The following KSR1 variants were observed in gnomAD, a reference collection of about 807,000 sequenced individuals.
KSR1 encodes the protein kinase suppressor of ras 1, also known as kinase suppressor of ras.
A neutral mutation model predicts 92.9 loss-of-function variants in KSR1; 35 were observed. That is an observed-to-expected ratio of 0.38 (90% CI 0.29 to 0.50). The LOEUF is 0.50. Among genes scored for constraint, KSR1 ranks in the 20% least tolerant of loss-of-function variants. KSR1 has a pLI of 0.94. For synonymous variants in KSR1, 467 were observed against 472.6 expected (o/e 0.99, Z 0.15); for missense variants, 972 against 1,158.5 (o/e 0.84, Z 2.34).
intron 18 of KSR1, among the ~76,000 whole-genome samples, chr17:27,612,288 T>A (rs2073943101): frequency 6.6e-6 from 1 of 152,128 alleles, no homozygotes; most frequent in Non-Finnish European, 1.5e-5. Context: ...AAGGAAAAAA[T>A]GAAGAGGATT....
chr17:27,591,239 G>A lies in KSR1; in HGVS notation c.1130+345G>A, dbSNP rs550216101. On this transcript the variant is annotated intron_variant, in intron 7 of 20. Coordinates refer to ENST00000644974, the MANE Select transcript of KSR1 (RefSeq NM_001394583.1). ...AGCCCTCGAGAGGTGGCAGACAGGC[G>A]ATGGTAAAAACAGGGAGTTGGCTTG... Among the ~76,000 whole-genome samples the A allele has an allele frequency of 4.6e-5, 7 of 152,318 alleles. No homozygotes were observed. In the East Asian group the frequency reaches 7.7e-4, roughly 17 times the overall value.
chr17:27,586,203 C>G (rs927224341), intron 5 of KSR1, among the ~76,000 whole-genome samples: 11 of 152,170 alleles, frequency 7.2e-5, no homozygotes, highest in Admixed American at 5.2e-4. Flanking sequence ...CCTGGGCAAC[C>G]CTTGACCCCC....
chr17:27,620,428 T>C (rs1845775098), intron 19 of KSR1, among the ~76,000 whole-genome samples: 1 of 152,376 alleles, frequency 6.6e-6, no homozygotes, highest in East Asian at 1.9e-4. Context: ...GACTCTTTCT[T>C]GTCACCTTTG....
chr17:27,456,450 C>CGCCGCGGCTTTCGCTTTGCT lies in KSR1; in HGVS notation c.-184_-165dup, dbSNP rs1456565229. ...GCTCCGGGAGCCGCAGCCGTCGGGTCGCCGCGGCTTTCGCTTTGCTGCCGC... is the reference window on the plus strand; with the variant it reads ...GCTCCGGGAGCCGCAGCCGTCGGGTCGCCGCGGCTTTCGCTTTGCTGCCGCGGCTTTCGCTTTGCTGCCGC... On this transcript the variant is annotated 5_prime_UTR_variant, in exon 1 of 21. Coordinates refer to ENST00000644974, the MANE Select transcript of KSR1 (RefSeq NM_001394583.1). 5.6e-5 allele frequency: 21 copies of CGCCGCGGCTTTCGCTTTGCT among 378,310 alleles called. No individual in the cohort carries two copies. The highest frequency in any genetic ancestry group is 6.0e-5 in the Non-Finnish European group (13 of 215,234). 23.4% of individuals were successfully genotyped at this position (378,310 alleles called of 1,614,324 possible).
intron 11 of KSR1, chr17:27,602,036 C>T: frequency 1.0e-6 from 1 of 979,876 alleles, no homozygotes; most frequent in Non-Finnish European, 1.6e-6. Flanking sequence ...ATTCCTGCCC[C>T]TAAAGTGCTT....
At chr17:27,522,738 GA>G (rs2070093157) in intron 1 of KSR1, among the ~76,000 whole-genome samples, 1 of 152,234 alleles carries the variant, frequency 6.6e-6, no homozygotes, top group Non-Finnish European at 1.5e-5. Context: ...AGTTTGCAAT[GA>G]GGGAAAGTCT....
intron 19 of KSR1, chr17:27,620,927 C>G: frequency 3.0e-6 from 1 of 332,080 alleles, no homozygotes; most frequent in Non-Finnish European, 5.4e-6. Flanking sequence ...TGCGGGCTTT[C>G]CTTTCCTGAA....
At chr17:27,573,137 C>T (rs74592199) in intron 2 of KSR1, among the ~76,000 whole-genome samples, 13 of 152,344 alleles carry the variant, frequency 8.5e-5, no homozygotes, top group South Asian at 2.1e-4. Flanking sequence ...ATGGGGTCTC[C>T]GCGCTTAGGC....
intron 2 of KSR1, among the ~76,000 whole-genome samples, chr17:27,552,588 C>T (rs1242751551): frequency 6.6e-6 from 1 of 152,204 alleles, no homozygotes; most frequent in Non-Finnish European, 1.5e-5. Context: ...GAGTCACCTG[C>T]CATGAGCCCT....
chr17:27,589,963 A>G (rs1439112573), intron 6 of KSR1, among the ~76,000 whole-genome samples: 1 of 152,224 alleles, frequency 6.6e-6, no homozygotes, highest in African/African-American at 2.4e-5. Flanking sequence ...TTTTTTACTC[A>G]AATACTGCAT....
intron 2 of KSR1, among the ~76,000 whole-genome samples, chr17:27,563,079 G>A (rs1173052814): frequency 6.6e-6 from 1 of 151,794 alleles, no homozygotes; most frequent in East Asian, 2.0e-4. Context: ...AAGTCCTTTT[G>A]CATCTCTTTT....
intron 17 of KSR1, 35 bp from the exon 18 acceptor site, chr17:27,611,459 C>T (rs1472135363): frequency 1.9e-6 from 3 of 1,613,396 alleles, no homozygotes; most frequent in Non-Finnish European, 2.5e-6. Flanking sequence ...GGCACAGCGG[C>T]CCAGGAGCTC....
chr17:27,597,725 C>T (rs1468171499), intron 10 of KSR1, among the ~76,000 whole-genome samples: 2 of 152,120 alleles, frequency 1.3e-5, no homozygotes, highest in Non-Finnish European at 2.9e-5. Context: ...ATAATCCTCG[C>T]ACTGCCCTCC....
intron 2 of KSR1, among the ~76,000 whole-genome samples, chr17:27,567,505 C>T (rs867511528): frequency 2.0e-4 from 30 of 152,280 alleles, no homozygotes; most frequent in Middle Eastern, 6.8e-3. Context: ...ACCTTCTAAG[C>T]CACTGAGGCC....
chr17:27,508,791 G>A (rs2069491006), intron 1 of KSR1, among the ~76,000 whole-genome samples: 2 of 151,628 alleles, frequency 1.3e-5, no homozygotes, highest in East Asian at 1.9e-4. Context: ...GTGCAATGGC[G>A]TGATCTCGGC....
chr17:27,457,456 G>T lies in KSR1; in HGVS notation c.231+582G>T, dbSNP rs114579220. Among the ~76,000 whole-genome samples the T allele has an allele frequency of 7.2e-3, 1,102 of 152,214 alleles. 10 individuals are homozygous for T. The highest frequency in any genetic ancestry group is 0.025 in the African/African-American group (1,058 of 41,514). ...TCCTTTCACGTTGCCACGGAGGCTC[G>T]CTGCTTAAAATGTATTAATAATTAC... On this transcript the variant is annotated intron_variant, in intron 1 of 20. Transcript: ENST00000644974.
At chr17:27,497,079 G>T (rs2069013751) in intron 1 of KSR1, among the ~76,000 whole-genome samples, 1 of 152,238 alleles carries the variant, frequency 6.6e-6, no homozygotes, top group Admixed American at 6.5e-5. Flanking sequence ...GGAGAATGCG[G>T]AGCTGCTCAT....
chr17:27,556,282 C>G (rs746844958), intron 2 of KSR1, among the ~76,000 whole-genome samples: 21 of 152,188 alleles, frequency 1.4e-4, no homozygotes, highest in Non-Finnish European at 1.2e-4. Flanking sequence ...TGATGCGATC[C>G]TGGCTCATTG....
intron 1 of KSR1, among the ~76,000 whole-genome samples, chr17:27,524,953 T>C (rs993835033): frequency 2.0e-5 from 3 of 152,088 alleles, no homozygotes; most frequent in Admixed American, 2.0e-4. Context: ...CCATTAGAAA[T>C]GGTAAGAAAG....
Sources: allele counts gnomAD v4.1 joint callset (sites outside exome capture counted in the v4.1 genomes callset), GRCh38; gene constraint gnomAD v4.1.1; transcripts MANE v1.5; gene names NCBI Gene and HGNC (gene_info 2026-07-23, HGNC 2026-07-21).